The following CLEC17A variants were observed in gnomAD, a reference collection of about 807,000 sequenced individuals.
The protein encoded by CLEC17A is C-type lectin domain containing 17A, also known as C-type lectin domain family 17, member A.
A neutral mutation model predicts 61.3 loss-of-function variants in CLEC17A; 37 were observed. That is an observed-to-expected ratio of 0.60 (90% CI 0.46 to 0.79). The LOEUF (loss-of-function observed/expected upper bound fraction) is 0.79. CLEC17A is among the 30% of genes least tolerant of loss of function. The pLI is 0.00. For synonymous variants in CLEC17A, 168 were observed against 164.9 expected, an observed-to-expected ratio of 1.02 and a Z score of -0.14; for missense variants, 418 against 464.7, an observed-to-expected ratio of 0.90 and a Z score of 0.92.
chr19:14,595,983 T>TGATGATGATGGTGA (rs1568454120), intron 8 of CLEC17A, among the ~76,000 whole-genome samples: 5 of 2,816 alleles, frequency 1.8e-3, no homozygotes, highest in South Asian at 9.6e-3. Flanking sequence ...ATGTTGTTGG[T>TGATGATGATGGTGA]AGAGATGATG....
intron 1 of CLEC17A, 29 bp downstream of exon 1, chr19:14,583,232 G>A (rs761328006): frequency 6.2e-7 from 1 of 1,613,716 alleles, no homozygotes; most frequent in Non-Finnish European, 8.5e-7. Flanking sequence ...TGGGGCTGGG[G>A]CCTAGGTGTG....
chr19:14,583,267 C>T, intron 1 of CLEC17A, 64 bp downstream of exon 1: 1 of 1,613,304 alleles, frequency 6.2e-7, no homozygotes, highest in South Asian at 1.1e-5. Context: ...TACAGAATCC[C>T]CACCATGGGG....
chr19:14,599,316 G>A (rs34574327), intron 10 of CLEC17A, among the ~76,000 whole-genome samples: 41,785 of 151,722 alleles, frequency 0.28, 6,623 homozygotes, highest in Non-Finnish European at 0.36. Context: ...TTGAACTCTT[G>A]ACCTCAGATG....
rs916519967 is a variant in CLEC17A at position 14,583,326 on chromosome 19, G to C, written c.44-31G>C. The C allele has an allele frequency of 5.0e-6, 8 of 1,606,670 alleles. No homozygotes were observed. The African/African-American group carries it at 1.1e-4, about 21-fold the overall frequency. ...TGAGGGATGGAGGGAGGAGGGAATG[G>C]CTGGGCTCTGACTTGCCTTTCCCCT... On this transcript the variant is annotated intron_variant, in intron 1 of 13. Transcript: ENST00000417570.
intron 13 of CLEC17A, 49 bp downstream of exon 13, chr19:14,607,151 G>T: frequency 1.2e-6 from 1 of 862,094 alleles, no homozygotes; most frequent in South Asian, 4.2e-5. Flanking sequence ...TGTGGGCCCT[G>T]ACCATGGGGA....
chr19:14,587,793 C>T lies in CLEC17A; in HGVS notation c.199+102C>T, dbSNP rs1338859681. The T allele has an allele frequency of 4.4e-5, 69 of 1,559,518 alleles. 1 individual carries two copies. Among genetic ancestry groups the T allele is most frequent in the Admixed American group, 2.1e-4 (11 of 51,628 alleles). ...AGACACACAGTCAGTCTCCTCTCTACACAGCCCATGCCGGGCACTGTGGAA... is the reference window on the plus strand; with the variant it reads ...AGACACACAGTCAGTCTCCTCTCTATACAGCCCATGCCGGGCACTGTGGAA... On this transcript the variant is annotated intron_variant, in intron 3 of 13. Coordinates refer to ENST00000417570, the MANE Select transcript of CLEC17A (RefSeq NM_001204118.2).
chr19:14,599,959 A>G, intron 11 of CLEC17A, 72 bp from the exon 12 acceptor site: 2 of 1,572,580 alleles, frequency 1.3e-6, no homozygotes, highest in Admixed American at 3.5e-5. Flanking sequence ...AGCCTGCACA[A>G]CTGTACATGG....
intron 12 of CLEC17A, among the ~76,000 whole-genome samples, chr19:14,604,760 C>T (rs1238147215): frequency 1.3e-5 from 2 of 151,306 alleles, no homozygotes; most frequent in East Asian, 3.9e-4. Context: ...AAGACTCTGA[C>T]TCAAAAAAAA....
intron 10 of CLEC17A, among the ~76,000 whole-genome samples, chr19:14,598,980 C>G (rs559201015): frequency 6.6e-6 from 1 of 150,842 alleles, no homozygotes; most frequent in South Asian, 2.1e-4. Context: ...ATCCAGGCAT[C>G]TGAGCTCATT....
chr19:14,610,390 C>T lies in CLEC17A; in HGVS notation c.*194C>T. 1.5e-6 allele frequency: 1 copy of T among 687,828 alleles called. No individual in the cohort carries two copies. The highest frequency in any genetic ancestry group is 2.4e-6 in the Non-Finnish European group (1 of 420,970). 42.6% of individuals were successfully genotyped at this position (687,828 alleles called of 1,614,324 possible). A position where few individuals can be genotyped will look rare whatever the true frequency, so the allele number is the denominator to read the frequency against. On this transcript the variant is annotated 3_prime_UTR_variant, in exon 14 of 14. Transcript: ENST00000417570. The stretch of plus-strand genomic sequence containing the variant: ...TCTAGAGTGAGGACTTGGGCTTGCC[C>T]TAGTAGATGGTGAGCTGGGAGGATG...
chr19:14,589,085 C>T (rs562768534), intron 3 of CLEC17A, among the ~76,000 whole-genome samples: 1 of 151,380 alleles, frequency 6.6e-6, no homozygotes, highest in African/African-American at 2.4e-5. Context: ...ATCCACTCTC[C>T]AATCCAACTT....
intron 12 of CLEC17A, among the ~76,000 whole-genome samples, chr19:14,605,565 C>G (rs980918963): frequency 2.0e-5 from 3 of 152,134 alleles, no homozygotes; most frequent in African/African-American, 7.2e-5. Flanking sequence ...TTCCACCACC[C>G]TAGAAAGTTT....
intron 12 of CLEC17A, among the ~76,000 whole-genome samples, chr19:14,601,937 C>T (rs914730339): frequency 1.5e-4 from 23 of 152,044 alleles, no homozygotes; most frequent in Non-Finnish European, 2.2e-4. Context: ...GGACTACAGG[C>T]GCCCGCCACC....
intron 8 of CLEC17A, 31 bp downstream of exon 8, chr19:14,595,346 T>C (rs1214730178): frequency 1.2e-6 from 2 of 1,612,390 alleles, no homozygotes; most frequent in Admixed American, 3.3e-5. Context: ...CCTCTGACAG[T>C]GGCTAGTGTA....
chr19:14,610,097 C>T lies in CLEC17A; in HGVS notation c.1038C>T (p.His346=), dbSNP rs1179765719. The change falls in exon 14 of 14, where the codon CAC becomes CAT. Residue 346 remains histidine (H), a synonymous_variant. Coordinates refer to ENST00000417570, the MANE Select transcript of CLEC17A (RefSeq NM_001204118.2). ...FWEPEEPNNI[H]DEDCATMNKG... The stretch of plus-strand genomic sequence containing the variant: ...AGCCAGAGGAACCCAATAACATCCA[C>T]GATGAGGACTGTGCTACCATGAACA... 5.6e-6 allele frequency: 9 copies of T among 1,613,078 alleles called. No homozygotes were observed. The highest frequency in any genetic ancestry group is 1.3e-5 in the African/African-American group (1 of 74,904).
chr19:14,599,932 G>A (rs562004882), intron 11 of CLEC17A, 99 bp from the exon 12 acceptor site: 51 of 1,526,256 alleles, frequency 3.3e-5, no homozygotes, highest in Middle Eastern at 2.2e-4. Context: ...CCCCCTCACC[G>A]GAGTTGAGCA....
chr19:14,585,256 A>G (rs965997710), intron 2 of CLEC17A, among the ~76,000 whole-genome samples: 65 of 152,192 alleles, frequency 4.3e-4, no homozygotes, highest in Admixed American at 4.6e-4. Flanking sequence ...TGCAGCCTTG[A>G]GCTCCTGGGT....
At chr19:14,582,207 G>C (rs954643898), upstream of CLEC17A, among the ~76,000 whole-genome samples, 2 of 149,122 alleles carry the variant, frequency 1.3e-5, no homozygotes, top group African/African-American at 5.1e-5. Context: ...GAGGACCCTT[G>C]TAATGCCATT....
In CLEC17A at chr19:14,594,755, C is replaced by A. The variant is rs1455926825; in HGVS notation, c.362-4C>A. ...TCTTGAAATGACTTTCTCATCTCTT[C>A]TAGGCCTGGACCTCGCCGCTGTCAC... On this transcript the variant is annotated splice_polypyrimidine_tract_variant and splice_region_variant and intron_variant, in intron 6 of 13. Transcript: ENST00000417570. The A allele has an allele frequency of 1.2e-6, 2 of 1,613,906 alleles. No homozygotes were observed. The highest frequency in any genetic ancestry group is 2.2e-5 in the East Asian group (1 of 44,908).
Sources: allele counts gnomAD v4.1 joint callset (sites outside exome capture counted in the v4.1 genomes callset), GRCh38; gene constraint gnomAD v4.1.1; transcripts MANE v1.5; gene names NCBI Gene and HGNC (gene_info 2026-07-23, HGNC 2026-07-21).